PHLPP1: variants seen among roughly 807,000 people sequenced by gnomAD.
PHLPP1 encodes PH domain and leucine rich repeat protein phosphatase 1.
PHLPP1 carries 42 observed loss-of-function variants against 117.2 expected under a neutral mutation model. The ratio of observed to expected loss-of-function variants is 0.36; its 90% CI spans 0.28 to 0.46. PHLPP1 has a LOEUF of 0.46. PHLPP1 is among the 20% of genes least tolerant of loss of function. The pLI is 1.00. For synonymous variants in PHLPP1, 1,042 were observed against 970.7 expected (o/e 1.07, Z -1.37); for missense variants, 2,084 against 2,241.9 (o/e 0.93, Z 1.42).
At chr18:62,939,865 C>T (rs534955369) in intron 10 of PHLPP1, among the ~76,000 whole-genome samples, 11 of 151,634 alleles carry the variant, frequency 7.3e-5, no homozygotes, top group Non-Finnish European at 1.5e-4. Context: ...AAAATAACTG[C>T]CTGGTATTCT....
intron 1 of PHLPP1, among the ~76,000 whole-genome samples, chr18:62,782,808 G>A (rs575527977): frequency 1.3e-5 from 2 of 152,262 alleles, no homozygotes; most frequent in East Asian, 3.9e-4. Flanking sequence ...GTTAAAGATG[G>A]CATAGCAAAA....
intron 1 of PHLPP1, among the ~76,000 whole-genome samples, chr18:62,729,543 T>C (rs1379145839): frequency 1.3e-5 from 2 of 152,054 alleles, no homozygotes; most frequent in African/African-American, 2.4e-5. Flanking sequence ...AGCATGGTGG[T>C]GTGCGGCTGT....
chr18:62,967,812 G>A (rs1009276869), intron 14 of PHLPP1, among the ~76,000 whole-genome samples: 4 of 150,478 alleles, frequency 2.7e-5, no homozygotes, highest in Non-Finnish European at 5.9e-5. Context: ...ATTTGGTCAC[G>A]ATGTAGTATA....
intron 8 of PHLPP1, among the ~76,000 whole-genome samples, chr18:62,913,837 G>A (rs896626566): frequency 1.4e-5 from 2 of 145,314 alleles, no homozygotes; most frequent in South Asian, 2.2e-4. Context: ...TCCGCCTCCC[G>A]GGTTCAAACG....
intron 1 of PHLPP1, among the ~76,000 whole-genome samples, chr18:62,764,289 T>TCTTTCTCA (rs1426335189): frequency 2.6e-5 from 4 of 152,184 alleles, no homozygotes; most frequent in African/African-American, 9.7e-5. Flanking sequence ...GGCAGATTAT[T>TCTTTCTCA]CTTTCTCACC....
intron 4 of PHLPP1, among the ~76,000 whole-genome samples, chr18:62,867,865 G>A (rs1029602997): frequency 1.1e-4 from 17 of 151,958 alleles, no homozygotes; most frequent in African/African-American, 3.1e-4. Context: ...AGGCTGGAGC[G>A]CAGTGGGGCG....
chr18:62,913,904 C>A (rs552261851), intron 8 of PHLPP1, among the ~76,000 whole-genome samples: 1 of 151,854 alleles, frequency 6.6e-6, no homozygotes, highest in Admixed American at 6.6e-5. Context: ...CCACCACACC[C>A]GGCTAATTTT....
chr18:62,945,145 T>A lies in PHLPP1; in HGVS notation c.3198T>A (p.Asp1066Glu). The A allele has an allele frequency of 6.2e-7, 1 of 1,606,094 alleles. No homozygotes were observed. The highest frequency in any genetic ancestry group is 8.5e-7 in the Non-Finnish European group (1 of 1,177,588). The change falls in exon 12 of 17, where the codon GAT (aspartate) becomes GAA (glutamate). Residue 1066 changes from aspartate to glutamate, a missense_variant. By Grantham distance (45) the Asp-to-Glu change is conservative (BLOSUM62 2). Coordinates refer to ENST00000262719, the MANE Select transcript of PHLPP1 (RefSeq NM_194449.4). ...AACTGGAGGAACTTGAAGAAATTGATCTCAGTGGGAATAAGCTGAAAGCCA... is the reference window on the plus strand; with the variant it reads ...AACTGGAGGAACTTGAAGAAATTGAACTCAGTGGGAATAAGCTGAAAGCCA... ...MAKLEELEEI[D>E]LSGNKLKAIP...
chr18:62,774,380 A>G (rs778976484), intron 1 of PHLPP1, among the ~76,000 whole-genome samples: 3 of 152,252 alleles, frequency 2.0e-5, no homozygotes, highest in Admixed American at 6.5e-5. Flanking sequence ...TCAGCTGCCA[A>G]TTGGGTTTTT....
intron 6 of PHLPP1, among the ~76,000 whole-genome samples, chr18:62,899,149 T>G (rs1401191585): frequency 6.6e-6 from 1 of 152,230 alleles, no homozygotes; most frequent in Non-Finnish European, 1.5e-5. Flanking sequence ...GCATGTGATG[T>G]GAGCTGTGTA....
intron 1 of PHLPP1, among the ~76,000 whole-genome samples, chr18:62,779,229 T>TC (rs1172653273): frequency 2.6e-5 from 4 of 152,154 alleles, no homozygotes; most frequent in African/African-American, 7.2e-5. Context: ...GTCCCGTCTG[T>TC]TGGTAATCTT....
chr18:62,873,813 C>T (rs757626475), intron 4 of PHLPP1, among the ~76,000 whole-genome samples: 3 of 152,022 alleles, frequency 2.0e-5, no homozygotes, highest in Non-Finnish European at 4.4e-5. Context: ...TACAACACCA[C>T]GAAACTACTA....
At chr18:62,838,687 A>G (rs754287717) in intron 2 of PHLPP1, 97 bp from the exon 3 acceptor site, 3 of 1,213,966 alleles carry the variant, frequency 2.5e-6, no homozygotes, top group African/African-American at 3.0e-5. Flanking sequence ...AAACATGCAA[A>G]TCCATGCAGG....
At chr18:62,730,089 CAT>C (rs1399817762) in intron 1 of PHLPP1, among the ~76,000 whole-genome samples, 2 of 152,194 alleles carry the variant, frequency 1.3e-5, no homozygotes, top group East Asian at 3.8e-4. Context: ...TCAGGCATCA[CAT>C]GTCAGAGTTA....
intron 1 of PHLPP1, among the ~76,000 whole-genome samples, chr18:62,762,689 C>A (rs1912292062): frequency 1.3e-5 from 2 of 152,144 alleles, no homozygotes; most frequent in South Asian, 4.1e-4. Flanking sequence ...ACTGGGATTA[C>A]AAGTGTGAGC....
chr18:62,778,545 A>G (rs950240335), intron 1 of PHLPP1, among the ~76,000 whole-genome samples: 1 of 152,214 alleles, frequency 6.6e-6, no homozygotes, highest in African/African-American at 2.4e-5. Context: ...GACTTATTGT[A>G]TACCGTGCTT....
Position 62,715,888 on chromosome 18 carries a change from G to T in PHLPP1, c.205G>T (p.Gly69Trp). 1.1e-6 allele frequency: 1 copy of T among 871,030 alleles called. No homozygotes were observed. The highest frequency in any genetic ancestry group is 5.0e-5 in the South Asian group (1 of 19,866). 54.0% of individuals were successfully genotyped at this position (871,030 alleles called of 1,614,324 possible). A position where few individuals can be genotyped will look rare whatever the true frequency, so the allele number is the denominator to read the frequency against. Reference sequence around the variant, plus strand: ...GAGCGGCGGGAACGGCAGCGGCAGCGGGGCGCGGGAAGAGGCCCCAGGCGA... The same window carrying T: ...GAGCGGCGGGAACGGCAGCGGCAGCTGGGCGCGGGAAGAGGCCCCAGGCGA... ...APSGGNGSGSGAREEAPGEAP... is the reference protein window; with the variant it reads ...APSGGNGSGSWAREEAPGEAP... Residue 69 changes from glycine to tryptophan, a missense_variant, in exon 1 of 17, where the codon GGG becomes TGG. Transcript: ENST00000262719.
At position 62,863,504 on chromosome 18, in the gene PHLPP1, A is replaced by G. The variant is rs959096479; in HGVS notation, c.2066+2903A>G. 3.4e-4 allele frequency among the ~76,000 whole-genome samples: 51 copies of G among 152,126 alleles called. 2 individuals carry two copies. The highest frequency in any genetic ancestry group is 2.8e-3 in the Admixed American group (42 of 15,262). ...AGGCATGAGCCACCAGGCCCAGCCT[A>G]TGGTTATTTCTTGATTATATGCTAA... On this transcript the variant is annotated intron_variant, in intron 4 of 16. Coordinates refer to ENST00000262719, the MANE Select transcript of PHLPP1 (RefSeq NM_194449.4).
Position 62,926,302 on chromosome 18 carries a change from G to A in PHLPP1, c.2960+6188G>A, listed in dbSNP as rs558936015. Reference sequence around the variant, plus strand: ...TGGCCGATTATGTAATCTTAGCAAGGTTGGAGTTCTGGTGGCAAACTCCAT... The same window carrying A: ...TGGCCGATTATGTAATCTTAGCAAGATTGGAGTTCTGGTGGCAAACTCCAT... On this transcript the variant is annotated intron_variant, in intron 10 of 16. Transcript: ENST00000262719. Among the ~76,000 whole-genome samples the A allele has an allele frequency of 1.2e-4, 19 of 152,292 alleles. No homozygotes were observed. The South Asian group carries it at 3.9e-3, about 32-fold the overall frequency.
Sources: gnomAD v4.1 joint callset for allele counts (sites outside exome capture counted in the v4.1 genomes callset) on GRCh38, gnomAD v4.1.1 for gene constraint, MANE v1.5 for transcripts, NCBI Gene and HGNC (gene_info 2026-07-23, HGNC 2026-07-21) for gene names.